Variants in PCSK5 observed in about 807,000 individuals in gnomAD.
PCSK5 encodes the protein prohormone convertase 5.
PCSK5 carries 129 observed loss-of-function variants against 233.2 expected under a neutral mutation model. The observed-to-expected ratio is 0.55, with a 90% CI of 0.48 to 0.64. PCSK5 has a LOEUF of 0.64. PCSK5 is among the 30% of genes least tolerant of loss of function. The pLI, the probability that PCSK5 is intolerant of heterozygous loss-of-function variation, is 0.00. For missense variants in PCSK5, 2,076 were observed against 2,430.1 expected (o/e 0.85, Z 3.06); for synonymous variants, 825 against 879.2 (o/e 0.94, Z 1.09).
At chr9:76,189,923 G>A (rs564870858) in intron 20 of PCSK5, among the ~76,000 whole-genome samples, 177 bp downstream of exon 20, 1 of 152,256 alleles carries the variant, frequency 6.6e-6, no homozygotes, top group East Asian at 1.9e-4. Context: ...TGTTTGAATT[G>A]CAAAAAGAAA....
intron 24 of PCSK5, among the ~76,000 whole-genome samples, chr9:76,270,303 G>C (rs774876062): frequency 6.6e-6 from 1 of 152,110 alleles, no homozygotes; most frequent in Admixed American, 6.6e-5. Context: ...GAGTTTCCTC[G>C]GATGCTGAGA....
intron 5 of PCSK5, among the ~76,000 whole-genome samples, chr9:76,065,556 C>A (rs1025726493): frequency 3.6e-5 from 5 of 140,174 alleles, no homozygotes; most frequent in Admixed American, 1.4e-4. Context: ...GTTTATTAAT[C>A]CCTGGTCAGA....
intron 29 of PCSK5, among the ~76,000 whole-genome samples, chr9:76,309,682 A>G (rs893416051): frequency 6.6e-6 from 1 of 152,172 alleles, no homozygotes; most frequent in East Asian, 1.9e-4. Context: ...GCCTCAAAAA[A>G]AAAAAAAAGA....
At chr9:76,211,702 G>A (rs1825334524) in intron 20 of PCSK5, among the ~76,000 whole-genome samples, 1 of 152,200 alleles carries the variant, frequency 6.6e-6, no homozygotes, top group African/African-American at 2.4e-5. Context: ...AAAACAATTA[G>A]TCAGGCATGG....
chr9:76,210,296 G>A (rs1205596171), intron 20 of PCSK5, among the ~76,000 whole-genome samples: 1 of 152,160 alleles, frequency 6.6e-6, no homozygotes, highest in Non-Finnish European at 1.5e-5. Flanking sequence ...TATAACATAG[G>A]CCTCAGAGTT....
At chr9:76,147,648 C>G (rs1488616791) in intron 10 of PCSK5, among the ~76,000 whole-genome samples, 1 of 152,190 alleles carries the variant, frequency 6.6e-6, no homozygotes, top group African/African-American at 2.4e-5. Flanking sequence ...AGTTTGAGGA[C>G]TACTGTCCCA....
At chr9:76,313,294 A>G (rs905099837) in intron 30 of PCSK5, among the ~76,000 whole-genome samples, 3 of 152,200 alleles carry the variant, frequency 2.0e-5, no homozygotes, top group African/African-American at 7.2e-5. Context: ...TAATTCACAT[A>G]CCATACAAAT....
intron 5 of PCSK5, among the ~76,000 whole-genome samples, chr9:76,032,153 A>G (rs1438107513): frequency 6.6e-6 from 1 of 152,328 alleles, no homozygotes; most frequent in East Asian, 1.9e-4. Flanking sequence ...TCATCAGAAT[A>G]AGGAAGTTGA....
chr9:76,139,360 C>A (rs945638925), intron 10 of PCSK5, among the ~76,000 whole-genome samples: 2 of 152,110 alleles, frequency 1.3e-5, no homozygotes, highest in Admixed American at 1.3e-4. Context: ...AATATTCCAT[C>A]TTCGCCACCT....
At chr9:75,913,070 A>G (rs1822819101) in intron 1 of PCSK5, among the ~76,000 whole-genome samples, 1 of 152,196 alleles carries the variant, frequency 6.6e-6, no homozygotes, top group African/African-American at 2.4e-5. Flanking sequence ...AAGCCTTTAA[A>G]GACACCTTCA....
intron 10 of PCSK5, among the ~76,000 whole-genome samples, chr9:76,137,049 T>G (rs1301012706): frequency 6.6e-6 from 1 of 152,120 alleles, no homozygotes; most frequent in Non-Finnish European, 1.5e-5. Flanking sequence ...CTGGATGATG[T>G]GTGAGCTAGA....
intron 2 of PCSK5, among the ~76,000 whole-genome samples, chr9:75,959,828 G>C (rs999617528): frequency 1.3e-5 from 2 of 152,230 alleles, no homozygotes. Flanking sequence ...GCTTAGTGCA[G>C]GGGAGAAATA....
intron 2 of PCSK5, among the ~76,000 whole-genome samples, chr9:75,936,524 G>A (rs923138936): frequency 2.0e-5 from 3 of 152,172 alleles, no homozygotes; most frequent in African/African-American, 4.8e-5. Context: ...AGTAGATCCC[G>A]CTTTCTTTGC....
chr9:76,112,905 T>C (rs1048472730), intron 9 of PCSK5, among the ~76,000 whole-genome samples: 2 of 152,068 alleles, frequency 1.3e-5, no homozygotes, highest in Non-Finnish European at 2.9e-5. Context: ...GGAACATTGG[T>C]TCCATAGAAA....
chr9:76,045,296 T>G (rs1454601354), intron 5 of PCSK5, among the ~76,000 whole-genome samples: 2 of 152,342 alleles, frequency 1.3e-5, no homozygotes, highest in South Asian at 2.1e-4. Context: ...ACTATGCTCT[T>G]CATCCTGATG....
chr9:76,319,726 C>G (rs1019929131), intron 30 of PCSK5, among the ~76,000 whole-genome samples: 2 of 152,152 alleles, frequency 1.3e-5, no homozygotes, highest in Non-Finnish European at 2.9e-5. Context: ...CCGCAGTCAT[C>G]CGGAGGCCTA....
intron 20 of PCSK5, among the ~76,000 whole-genome samples, chr9:76,191,106 C>T (rs1824353567): frequency 6.6e-6 from 1 of 152,168 alleles, no homozygotes; most frequent in Admixed American, 6.6e-5. Context: ...AAATTTACTC[C>T]TAAATTTATG....
At chr9:75,973,412 C>T (rs536268538) in intron 2 of PCSK5, among the ~76,000 whole-genome samples, 1 of 152,164 alleles carries the variant, frequency 6.6e-6, no homozygotes, top group Non-Finnish European at 1.5e-5. Context: ...TTTCTGCTTT[C>T]TCCTAGGTGT....
chr9:76,268,787 G>C (rs1308788924), intron 24 of PCSK5, among the ~76,000 whole-genome samples: 6 of 152,218 alleles, frequency 3.9e-5, no homozygotes, highest in African/African-American at 7.2e-5. Context: ...CAAGGCTGCA[G>C]TAACCTGTGA....
Sources: allele counts gnomAD v4.1 joint callset (sites outside exome capture counted in the v4.1 genomes callset), GRCh38; gene constraint gnomAD v4.1.1; transcripts MANE v1.5; gene names NCBI Gene and HGNC (gene_info 2026-07-23, HGNC 2026-07-21).